ACAD10: variants seen among roughly 807,000 people sequenced by gnomAD.
ACAD10 encodes the protein ACAD-10.
ACAD10 carries 112 observed loss-of-function variants against 116.8 expected under a neutral mutation model. The ratio of observed to expected loss-of-function variants is 0.96; its 90% CI spans 0.82 to 1.12. The LOEUF is 1.12. Ranked by LOEUF, ACAD10 falls within the 50% of genes most tolerant of loss-of-function variation. The pLI is 0.00. For synonymous variants in ACAD10, 486 were observed against 510.6 expected (o/e 0.95, Z 0.65); for missense variants, 1,259 against 1,350.2 (o/e 0.93, Z 1.06).
chr12:111,697,113 T>C (rs1218857051), intron 2 of ACAD10, among the ~76,000 whole-genome samples: 1 of 150,894 alleles, frequency 6.6e-6, no homozygotes, highest in Non-Finnish European at 1.5e-5. Context: ...TGGTAGTCCA[T>C]GCCTGTAATC....
chr12:111,724,590 G>A (rs766727492), intron 8 of ACAD10, among the ~76,000 whole-genome samples: 1 of 152,214 alleles, frequency 6.6e-6, no homozygotes, highest in Non-Finnish European at 1.5e-5. Flanking sequence ...ATCACTCGCG[G>A]TTAGGGGCTG....
At chr12:111,690,348 A>C (rs1214340835) in intron 1 of ACAD10, 1 of 152,140 alleles carries the variant, frequency 6.6e-6, no homozygotes, top group African/African-American at 2.4e-5. Flanking sequence ...ATTTTAAATA[A>C]TTTTGTGCAT....
chr12:111,716,455 C>T (rs1487226583), intron 7 of ACAD10, among the ~76,000 whole-genome samples: 1 of 152,192 alleles, frequency 6.6e-6, no homozygotes, highest in African/African-American at 2.4e-5. Context: ...CGTTTTCATA[C>T]TTTCAGACCT....
At chr12:111,731,854 G>A (rs1420272640) in intron 10 of ACAD10, among the ~76,000 whole-genome samples, 7 of 152,136 alleles carry the variant, frequency 4.6e-5, no homozygotes, top group Non-Finnish European at 1.0e-4. Context: ...AGGCGAAAGC[G>A]GGCAGATCAC....
At chr12:111,720,254 A>G (rs1235966244) in intron 7 of ACAD10, among the ~76,000 whole-genome samples, 1 of 152,204 alleles carries the variant, frequency 6.6e-6, no homozygotes, top group African/African-American at 2.4e-5. Flanking sequence ...TACTTGAAAT[A>G]ATGTGTATTT....
intron 13 of ACAD10, among the ~76,000 whole-genome samples, chr12:111,745,827 ATCTC>A (rs1232583202): frequency 1.4e-5 from 2 of 140,884 alleles, no homozygotes; most frequent in Non-Finnish European, 3.0e-5. Flanking sequence ...GTGAGCCACC[ATCTC>A]TCTCTTTTTT....
chr12:111,730,056 C>A, intron 10 of ACAD10, 100 bp downstream of exon 10: 1 of 1,457,840 alleles, frequency 6.9e-7, no homozygotes, highest in Non-Finnish European at 9.2e-7. Flanking sequence ...GGGAATTATT[C>A]CTATTACAAA....
intron 10 of ACAD10, among the ~76,000 whole-genome samples, chr12:111,732,255 T>G (rs1889408460): frequency 6.6e-6 from 1 of 152,202 alleles, no homozygotes; most frequent in Admixed American, 6.5e-5. Flanking sequence ...AAAGTGTAGT[T>G]TGGCCATATG....
intron 10 of ACAD10, among the ~76,000 whole-genome samples, chr12:111,731,305 C>A (rs1399014028): frequency 6.6e-6 from 1 of 152,142 alleles, no homozygotes; most frequent in Admixed American, 6.5e-5. Flanking sequence ...GTGCTTCCCC[C>A]ACACTGCCTT....
At chr12:111,720,601 C>T (rs747860401) in intron 7 of ACAD10, among the ~76,000 whole-genome samples, 10 of 152,072 alleles carry the variant, frequency 6.6e-5, no homozygotes, top group Non-Finnish European at 1.5e-4. Flanking sequence ...ATTAAAGTAG[C>T]CTCACCAGCT....
At chr12:111,687,371 G>T (rs1887899831) in intron 1 of ACAD10, among the ~76,000 whole-genome samples, 1 of 152,008 alleles carries the variant, frequency 6.6e-6, no homozygotes, top group Non-Finnish European at 1.5e-5. Flanking sequence ...TTTTGGCAAG[G>T]GGGCGGGGTG....
rs1477789628 is a variant in ACAD10 at position 111,756,428 on chromosome 12, G to A, written c.3135G>A (p.Val1045=). The A allele has an allele frequency of 1.2e-6, 2 of 1,612,712 alleles. No homozygotes were observed. Among genetic ancestry groups the A allele is most frequent in the Non-Finnish European group, 8.5e-7 (1 of 1,179,878 alleles). ...GCTTTGCCGACGGCCCTGACGAGGT[G>A]CACCGGGCCACGGTGGCCAAGCTAG... ...ALRFADGPDE[V]HRATVAKLEL... Residue 1045 remains valine (V), a synonymous_variant, in exon 21 of 21, where the codon GTG becomes GTA. Coordinates refer to ENST00000313698, the MANE Select transcript of ACAD10 (RefSeq NM_025247.6).
intron 18 of ACAD10, among the ~76,000 whole-genome samples, chr12:111,750,609 A>AT (rs946709941): frequency 1.0e-3 from 157 of 152,146 alleles, no homozygotes; most frequent in African/African-American, 3.7e-3. Context: ...AAATAAATAA[A>AT]AATCAGACAC....
At position 111,747,607 on chromosome 12, in the gene ACAD10, G is replaced by A. The variant is rs1889950704; in HGVS notation, c.2485+222G>A. On this transcript the variant is annotated intron_variant, in intron 16 of 20. Coordinates refer to ENST00000313698, the MANE Select transcript of ACAD10 (RefSeq NM_025247.6). ...TCACAGGGCAGGGACGTCCCCCGGTGCCCACACATGGACGGATGCCTCCCT... is the reference window on the plus strand; with the variant it reads ...TCACAGGGCAGGGACGTCCCCCGGTACCCACACATGGACGGATGCCTCCCT... 2.2e-6 allele frequency: 3 copies of A among 1,369,044 alleles called. No homozygotes were observed. The South Asian group carries it at 4.6e-5, about 21-fold the overall frequency. The allele number at this position is 1,369,044 out of a possible 1,614,324, so 84.8% of individuals were successfully genotyped here. A position where few individuals can be genotyped will look rare whatever the true frequency, so the allele number is the denominator to read the frequency against.
chr12:111,753,835 G>GCGCAGT lies in ACAD10; in HGVS notation c.2885_2890dup (p.Gln962_Ser963dup). The GCGCAGT allele has an allele frequency of 6.2e-7, 1 of 1,614,024 alleles. No homozygotes were observed. The highest frequency in any genetic ancestry group is 1.3e-5 in the African/African-American group (1 of 75,080). On this transcript the variant is annotated inframe_insertion, in exon 19 of 21. Coordinates refer to ENST00000313698, the MANE Select transcript of ACAD10 (RefSeq NM_025247.6). The stretch of plus-strand genomic sequence containing the variant: ...GCAGGGCACAGTGCTGGCGGACATC[G>GCGCAGT]CGCAGTCGCGCGTGGAGATTGAGCA...
chr12:111,693,045 G>C, intron 2 of ACAD10, 149 bp downstream of exon 2: 1 of 799,062 alleles, frequency 1.3e-6, no homozygotes, highest in South Asian at 1.8e-5. Context: ...AGCACCACTA[G>C]GGGGCTGAGT....
chr12:111,716,527 T>C (rs1888851016), intron 7 of ACAD10, among the ~76,000 whole-genome samples: 1 of 152,222 alleles, frequency 6.6e-6, no homozygotes, highest in South Asian at 2.1e-4. Context: ...GAAACAGCTG[T>C]ATGTATTAAT....
chr12:111,735,658 T>G lies in ACAD10; in HGVS notation c.1541-1173T>G, dbSNP rs546244134. 2.0e-5 allele frequency among the ~76,000 whole-genome samples: 3 copies of G among 152,208 alleles called. No homozygotes were observed. The East Asian group carries it at 5.8e-4, about 29-fold the overall frequency. On this transcript the variant is annotated intron_variant, in intron 11 of 20. Transcript: ENST00000313698. Reference sequence around the variant, plus strand: ...TTGTAGTAGACATGGGGTTTCACCGTGTTAGCCAGGATGGTCTCGATCTCC... The same window carrying G: ...TTGTAGTAGACATGGGGTTTCACCGGGTTAGCCAGGATGGTCTCGATCTCC...
chr12:111,700,454 G>A (rs917846333), intron 2 of ACAD10, among the ~76,000 whole-genome samples: 3 of 152,124 alleles, frequency 2.0e-5, no homozygotes, highest in Non-Finnish European at 2.9e-5. Context: ...TACGTCAAAT[G>A]TATGTGCATT....
Sources: allele counts gnomAD v4.1 joint callset (sites outside exome capture counted in the v4.1 genomes callset), GRCh38; gene constraint gnomAD v4.1.1; transcripts MANE v1.5; gene names NCBI Gene and HGNC (gene_info 2026-07-23, HGNC 2026-07-21).